Variants in DEPDC1B observed in about 807,000 individuals in gnomAD.
DEPDC1B encodes the protein DEP domain-containing protein 1B.
DEPDC1B carries 51 observed loss-of-function variants against 66.5 expected under a neutral mutation model. The ratio of observed to expected loss-of-function variants is 0.77; its 90% CI spans 0.61 to 0.97. DEPDC1B has a LOEUF of 0.97. Among genes scored for constraint, DEPDC1B ranks in the 50% least tolerant of loss-of-function variants. The probability of loss-of-function intolerance (pLI) is 0.00; values close to 1 mark genes in which losing one functional copy is unlikely to be tolerated. For synonymous variants in DEPDC1B, 226 were observed against 223.6 expected (o/e 1.01, Z -0.10); for missense variants, 552 against 637.1 (o/e 0.87, Z 1.44).
intron 2 of DEPDC1B, among the ~76,000 whole-genome samples, chr5:60,672,968 AC>A (rs1446277804): frequency 3.9e-5 from 6 of 152,222 alleles, no homozygotes; most frequent in African/African-American, 1.4e-4. Flanking sequence ...TCACTGACTA[AC>A]CTTTGAACTT....
Position 60,603,409 on chromosome 5 carries a change from A to C in DEPDC1B, c.1224T>G (p.Ala408=), listed in dbSNP as rs1390021749. The C allele has an allele frequency of 3.2e-6, 5 of 1,583,262 alleles. No homozygotes were observed. The African/African-American group carries it at 4.1e-5, about 13-fold the overall frequency. Residue 408 remains alanine (A), a synonymous_variant, in exon 9 of 11, where the codon GCT becomes GCG. Coordinates refer to ENST00000265036, the MANE Select transcript of DEPDC1B (RefSeq NM_018369.3). ...CCTTTACCTGGACTCTTCGTAGATG[A>C]GCCACACGCTCCTCTATAGAGGTCT... ...ALQTSIEERV[A]HLRRVQIKYP...
chr5:60,616,914 G>A (rs1469253546), intron 7 of DEPDC1B, among the ~76,000 whole-genome samples: 5 of 152,214 alleles, frequency 3.3e-5, no homozygotes, highest in African/African-American at 1.2e-4. Context: ...ACAAAGGGAA[G>A]CCCATTAGAC....
intron 1 of DEPDC1B, among the ~76,000 whole-genome samples, chr5:60,687,515 TAAAAC>T (rs1017435667): frequency 6.6e-6 from 1 of 151,634 alleles, no homozygotes; most frequent in African/African-American, 2.4e-5. Context: ...TTACCATAAT[TAAAAC>T]AAAAATAAAA....
intron 2 of DEPDC1B, among the ~76,000 whole-genome samples, chr5:60,657,361 T>G (rs1472851444): frequency 6.6e-6 from 1 of 151,958 alleles, no homozygotes; most frequent in East Asian, 1.9e-4. Context: ...TACCTTGTTG[T>G]TTTTTTTCAC....
intron 2 of DEPDC1B, among the ~76,000 whole-genome samples, chr5:60,674,243 A>G (rs1041626950): frequency 5.8e-4 from 88 of 150,546 alleles, no homozygotes; most frequent in African/African-American, 2.0e-3. Flanking sequence ...TCAGGATAGA[A>G]GAATAAGCCA....
intron 1 of DEPDC1B, among the ~76,000 whole-genome samples, chr5:60,692,804 T>C (rs1348376470): frequency 3.3e-5 from 5 of 152,128 alleles, no homozygotes; most frequent in Non-Finnish European, 7.4e-5. Context: ...ACCAATAGAA[T>C]GCAGTGAAAA....
chr5:60,618,713 G>C (rs532970617), intron 7 of DEPDC1B, among the ~76,000 whole-genome samples: 1 of 152,148 alleles, frequency 6.6e-6, no homozygotes, highest in Non-Finnish European at 1.5e-5. Flanking sequence ...ACAGGTACAA[G>C]GAGGAGCTGG....
chr5:60,616,256 C>T (rs2111760736), intron 7 of DEPDC1B, among the ~76,000 whole-genome samples: 1 of 152,308 alleles, frequency 6.6e-6, no homozygotes, highest in Non-Finnish European at 1.5e-5. Flanking sequence ...CAAAGGAACG[C>T]AGCTCCTCAG....
intron 1 of DEPDC1B, chr5:60,689,069 A>T (rs1290569020): frequency 4.4e-6 from 2 of 456,248 alleles, no homozygotes; most frequent in Non-Finnish European, 8.8e-6. Context: ...TGGGGAAAAC[A>T]AGAGGTATGG....
chr5:60,686,095 A>C (rs1372418028), intron 2 of DEPDC1B, among the ~76,000 whole-genome samples: 5 of 152,202 alleles, frequency 3.3e-5, no homozygotes, highest in Non-Finnish European at 7.3e-5. Context: ...GAGACAAAGA[A>C]ATGGTTCAGG....
intron 2 of DEPDC1B, among the ~76,000 whole-genome samples, chr5:60,671,150 G>A (rs1754026281): frequency 6.6e-6 from 1 of 152,184 alleles, no homozygotes; most frequent in Non-Finnish European, 1.5e-5. Flanking sequence ...GCCTGCCAAG[G>A]TGATGGCTGA....
intron 1 of DEPDC1B, among the ~76,000 whole-genome samples, chr5:60,698,438 G>T (rs1754703426): frequency 6.6e-6 from 1 of 152,146 alleles, no homozygotes; most frequent in African/African-American, 2.4e-5. Flanking sequence ...AGATGCCTCC[G>T]ATAACCTGTT....
chr5:60,698,667 TTA>T (rs1291233441), intron 1 of DEPDC1B, among the ~76,000 whole-genome samples: 40 of 107,702 alleles, frequency 3.7e-4, no homozygotes, highest in African/African-American at 1.2e-3. Context: ...AATCTCCTTA[TTA>T]TTTTTTTTTT....
intron 2 of DEPDC1B, among the ~76,000 whole-genome samples, chr5:60,665,842 A>G (rs1753825371): frequency 6.6e-6 from 1 of 152,232 alleles, no homozygotes. Flanking sequence ...AGGGCTCACT[A>G]AAATACAAAT....
intron 4 of DEPDC1B, 110 bp from the exon 5 acceptor site, chr5:60,644,985 C>T (rs866802545): frequency 1.6e-5 from 13 of 791,548 alleles, no homozygotes; most frequent in Middle Eastern, 4.0e-4. Flanking sequence ...TCATGCATTG[C>T]ACCCAATCTT....
At chr5:60,665,855 G>A (rs1298561123) in intron 2 of DEPDC1B, among the ~76,000 whole-genome samples, 1 of 152,152 alleles carries the variant, frequency 6.6e-6, no homozygotes, top group African/African-American at 2.4e-5. Context: ...ATACAAATTA[G>A]GCTAAAGCAG....
At chr5:60,686,239 C>G (rs111960422) in intron 2 of DEPDC1B, among the ~76,000 whole-genome samples, 1,888 of 152,314 alleles carry the variant, frequency 0.012, 16 homozygotes, top group Non-Finnish European at 0.02. Flanking sequence ...ATTCTCCATT[C>G]CTTCTTTTAA....
intron 1 of DEPDC1B, among the ~76,000 whole-genome samples, chr5:60,692,331 A>ATCTCTACTAAAAAT (rs1754563658): frequency 6.6e-6 from 1 of 152,210 alleles, no homozygotes; most frequent in Non-Finnish European, 1.5e-5. Context: ...GCAAGTGTAC[A>ATCTCTACTAAAAAT]ACAAAAAAAT....
intron 1 of DEPDC1B, among the ~76,000 whole-genome samples, chr5:60,698,933 C>G (rs944345855): frequency 6.6e-6 from 1 of 152,132 alleles, no homozygotes; most frequent in Admixed American, 6.5e-5. Flanking sequence ...TGTAAAATTT[C>G]ATGAGTATGT....
Sources: gnomAD v4.1 joint callset for allele counts (sites outside exome capture counted in the v4.1 genomes callset) on GRCh38, gnomAD v4.1.1 for gene constraint, MANE v1.5 for transcripts, NCBI Gene and HGNC (gene_info 2026-07-23, HGNC 2026-07-21) for gene names.